CEP290: variants seen among roughly 807,000 people sequenced by gnomAD.
CEP290 encodes the protein centrosomal protein 290.
In CEP290, 317 loss-of-function variants were observed where a neutral mutation model predicts 344.9. That is an observed-to-expected ratio of 0.92 (90% CI 0.84 to 1.01). CEP290 has a LOEUF of 1.01. Ranked by LOEUF, CEP290 falls within the 50% of genes least tolerant of loss-of-function variation. The pLI, the probability that CEP290 is intolerant of heterozygous loss-of-function variation, is 0.00. For synonymous variants in CEP290, 932 were observed against 895.8 expected (o/e 1.04, Z -0.72); for missense variants, 2,754 against 2,761.4 (o/e 1.00, Z 0.06).
intron 26 of CEP290, among the ~76,000 whole-genome samples, chr12:88,100,463 T>C (rs1302840134): frequency 6.6e-6 from 1 of 152,116 alleles, no homozygotes; most frequent in African/African-American, 2.4e-5. Context: ...CTCATGAACC[T>C]TTACCTCTCA....
intron 11 of CEP290, among the ~76,000 whole-genome samples, 177 bp from the exon 12 acceptor site, chr12:88,126,615 T>C (rs2039748654): frequency 1.3e-5 from 2 of 152,206 alleles, no homozygotes; most frequent in Admixed American, 6.5e-5. Context: ...ATATACAACC[T>C]GAAATTCAAA....
intron 37 of CEP290, among the ~76,000 whole-genome samples, chr12:88,081,586 C>T (rs1037231961): frequency 6.6e-6 from 1 of 152,106 alleles, no homozygotes; most frequent in South Asian, 2.1e-4. Context: ...AAACTTAAGT[C>T]TAACTTTAAA....
chr12:88,092,752 T>A lies in CEP290; in HGVS notation c.3390A>T (p.Val1130=). The A allele has an allele frequency of 1.2e-6, 2 of 1,610,090 alleles. No individual in the cohort carries two copies. Among genetic ancestry groups the A allele is most frequent in the South Asian group, 2.2e-5 (2 of 90,258 alleles). ...DELADSVSKA[V]SDADRQRILE... is the part of the protein sequence containing the mutation. ...GAATCCGTTGCCTATCAGCATCACT[T>A]ACTGCCTTGCTCACACTATCAGCTA... Residue 1130 remains valine (V), a synonymous_variant, in exon 29 of 54, where the codon GTA becomes GTT. Coordinates refer to ENST00000552810, the MANE Select transcript of CEP290 (RefSeq NM_025114.4).
chr12:88,090,883 C>G (rs1198414232), intron 29 of CEP290, 44 bp from the exon 30 acceptor site: 1 of 1,241,544 alleles, frequency 8.1e-7, no homozygotes, highest in Non-Finnish European at 1.1e-6. Flanking sequence ...AGTACACTTT[C>G]TAAGTAAATG....
At chr12:88,131,735 T>C (rs1371866805) in intron 6 of CEP290, among the ~76,000 whole-genome samples, 1 of 152,158 alleles carries the variant, frequency 6.6e-6, no homozygotes, top group Admixed American at 6.6e-5. Flanking sequence ...ACAGTTTCAT[T>C]TTAAAGAATT....
At chr12:88,088,568 T>C (rs760596991) in intron 31 of CEP290, among the ~76,000 whole-genome samples, 3 of 152,198 alleles carry the variant, frequency 2.0e-5, no homozygotes, top group East Asian at 1.9e-4. Context: ...TTACGTATAA[T>C]AGACATTCAA....
At chr12:88,059,103 A>G (rs1369687617) in intron 48 of CEP290, 83 bp from the exon 49 acceptor site, 7 of 1,194,658 alleles carry the variant, frequency 5.9e-6, no homozygotes, top group Non-Finnish European at 8.0e-6. Context: ...TTATCATTAC[A>G]AATTGGAAAA....
chr12:88,114,867 A>T (rs181056237), intron 19 of CEP290, among the ~76,000 whole-genome samples: 1 of 152,268 alleles, frequency 6.6e-6, no homozygotes, highest in East Asian at 1.9e-4. Context: ...AGAACACACA[A>T]GAAAAAGGAG....
At chr12:88,103,975 G>GAAAAA (rs996523189) in intron 25 of CEP290, 2 of 151,904 alleles carry the variant, frequency 1.3e-5, no homozygotes, top group Admixed American at 6.6e-5. Flanking sequence ...ATTGTTGGGA[G>GAAAAA]AAAAAAATCA....
At chr12:88,114,311 G>T in intron 20 of CEP290, 109 bp downstream of exon 20, 6 of 843,122 alleles carry the variant, frequency 7.1e-6, no homozygotes, top group Non-Finnish European at 1.0e-5. Context: ...GGGAAACAAT[G>T]ATTCAAATGA....
chr12:88,102,045 A>C (rs539395461), intron 26 of CEP290, among the ~76,000 whole-genome samples: 10 of 152,300 alleles, frequency 6.6e-5, no homozygotes, highest in African/African-American at 2.2e-4. Context: ...TAATAGAATT[A>C]GATCTTATTC....
Position 88,049,305 on chromosome 12 carries a change from A to C in CEP290, c.7319T>G (p.Leu2440Arg), listed in dbSNP as rs749021822. Residue 2440 changes from leucine (L) to arginine (R), a missense_variant, in exon 54 of 54, where the codon CTC becomes CGC. Leu to Arg is a moderately radical substitution (Grantham distance 102). Coordinates refer to ENST00000552810, the MANE Select transcript of CEP290 (RefSeq NM_025114.4). Reference protein sequence around the residue: ...NYKEEVKKNILLEEKVKKLSE... With the variant: ...NYKEEVKKNIRLEEKVKKLSE... ...AAGTTTTTTTACCTTCTCTTCTAAG[A>C]GAATATTCTTCTTCACTTCTTCCTT... is the stretch of plus-strand genomic sequence containing the variant. The C allele has an allele frequency of 2.5e-6, 4 of 1,598,842 alleles. No individual in the cohort carries two copies. The South Asian group carries it at 4.5e-5, about 18-fold the overall frequency.
chr12:88,069,938 G>T (rs2035240212), intron 43 of CEP290, among the ~76,000 whole-genome samples: 1 of 152,138 alleles, frequency 6.6e-6, no homozygotes, highest in African/African-American at 2.4e-5. Context: ...ACCAACTGAA[G>T]TTTACCTTGG....
At chr12:88,099,426 G>A (rs1227511621) in intron 26 of CEP290, among the ~76,000 whole-genome samples, 3 of 152,044 alleles carry the variant, frequency 2.0e-5, no homozygotes, top group Admixed American at 1.3e-4. Flanking sequence ...AAAGGCTGGC[G>A]ATATAACATA....
At chr12:88,124,651 C>CAT (rs1196949708) in intron 13 of CEP290, among the ~76,000 whole-genome samples, 2 of 151,874 alleles carry the variant, frequency 1.3e-5, no homozygotes, top group African/African-American at 4.8e-5. Context: ...GTAGTGTATA[C>CAT]ATATATACAT....
At position 88,049,467 on chromosome 12, in the gene CEP290, C is replaced by T. The variant is rs373069036; in HGVS notation, c.7210-53G>A. 253 of 929,438 alleles carry T rather than the reference C, an allele frequency of 2.7e-4. 4 individuals carry two copies. In the South Asian group the frequency reaches 3.5e-3, roughly 13 times the overall value. The allele number at this position is 929,438 out of a possible 1,614,324, so 57.6% of individuals were successfully genotyped here. A position where few individuals can be genotyped will look rare whatever the true frequency, so the allele number is the denominator to read the frequency against. On this transcript the variant is annotated intron_variant, in intron 53 of 53. Transcript: ENST00000552810. ...GCATATAGGAAATATACATATTTTA[C>T]GTTTGAACAAGGAGATTTAATTGTA...
In CEP290 at chr12:88,092,739, T is replaced by G; in HGVS notation, c.3403A>C (p.Arg1135=). The change falls in exon 29 of 54, where the codon AGG becomes CGG. Residue 1135 remains arginine, a synonymous_variant. Coordinates refer to ENST00000552810, the MANE Select transcript of CEP290 (RefSeq NM_025114.4). The part of the protein sequence containing the change: ...SVSKAVSDAD[R]QRILELEKNE... Reference sequence around the variant, plus strand: ...TTCTCTAATTCTAGAATCCGTTGCCTATCAGCATCACTTACTGCCTTGCTC... The same window carrying G: ...TTCTCTAATTCTAGAATCCGTTGCCGATCAGCATCACTTACTGCCTTGCTC... 6.2e-7 allele frequency: 1 copy of G among 1,610,494 alleles called. No homozygotes were observed. The highest frequency in any genetic ancestry group is 8.5e-7 in the Non-Finnish European group (1 of 1,178,464).
intron 52 of CEP290, among the ~76,000 whole-genome samples, chr12:88,051,478 TGTG>T (rs1381112292): frequency 6.6e-6 from 1 of 152,084 alleles, no homozygotes; most frequent in East Asian, 1.9e-4. Context: ...GGATTACAGG[TGTG>T]GTGTGCTACT....
Position 88,071,776 on chromosome 12 carries a change from C to T in CEP290, c.5855+5G>A, listed in dbSNP as rs2035393171. 1.3e-6 allele frequency: 2 copies of T among 1,581,064 alleles called. No individual in the cohort carries two copies. Among genetic ancestry groups the T allele is most frequent in the Non-Finnish European group, 1.7e-6 (2 of 1,167,030 alleles). ...AATTAGTTTTATAATGATATTTAAA[C>T]TCACTTGGCAAAAAGATCCTTCAAA... On this transcript the variant is annotated splice_donor_5th_base_variant and intron_variant, in intron 42 of 53. Transcript: ENST00000552810.
Sources: allele counts gnomAD v4.1 joint callset (sites outside exome capture counted in the v4.1 genomes callset), GRCh38; gene constraint gnomAD v4.1.1; transcripts MANE v1.5; gene names NCBI Gene and HGNC (gene_info 2026-07-23, HGNC 2026-07-21).